Variants in P4HA3 observed in about 807,000 individuals in gnomAD.
P4HA3 encodes the protein prolyl 4-hydroxylase subunit alpha-3.
Under a neutral mutation model 66.7 loss-of-function variants are expected in P4HA3, and 60 were observed. The ratio of observed to expected loss-of-function variants is 0.90; its 90% confidence interval spans 0.73 to 1.12. The LOEUF is 1.12. P4HA3 is among the 50% of genes most tolerant of loss of function. The probability of loss-of-function intolerance (pLI) is 0.00; values close to 1 mark genes in which losing one functional copy is unlikely to be tolerated. For synonymous variants in P4HA3, 263 were observed against 274.6 expected, an observed-to-expected ratio of 0.96 and a Z score of 0.42; for missense variants, 683 against 685.8, an observed-to-expected ratio of 1.00 and a Z score of 0.05.
chr11:74,295,807 T>C (rs561566231), intron 4 of P4HA3, among the ~76,000 whole-genome samples: 9 of 152,326 alleles, frequency 5.9e-5, no homozygotes, highest in African/African-American at 2.2e-4. Flanking sequence ...TTTGATATCA[T>C]GAATTACTCT....
At chr11:74,285,661 C>T (rs941657903) in intron 7 of P4HA3, 148 bp downstream of exon 7, 3 of 797,596 alleles carry the variant, frequency 3.8e-6, no homozygotes, top group Non-Finnish European at 5.9e-6. Context: ...TTTTTTCCAC[C>T]ATGGACTAGT....
In P4HA3 at chr11:74,289,133, G is replaced by C. The variant is rs761158455; in HGVS notation, c.718-3C>G. ...AGGGCACACGAAACATTTCCTGCCT[G>C]TTAAAAAAAAAAAAAAGAAAAGAAA... On this transcript the variant is annotated splice_region_variant and splice_polypyrimidine_tract_variant and intron_variant, in intron 4 of 12. Coordinates refer to ENST00000331597, the MANE Select transcript of P4HA3 (RefSeq NM_182904.5). 3 of 1,481,454 alleles carry C rather than the reference G, an allele frequency of 2.0e-6. No homozygotes were observed. Among genetic ancestry groups the C allele is most frequent in the Non-Finnish European group, 2.7e-6 (3 of 1,106,474 alleles). The allele number at this position is 1,481,454 out of a possible 1,614,324, so 91.8% of individuals were successfully genotyped here. A position where few individuals can be genotyped will look rare whatever the true frequency, so the allele number is the denominator to read the frequency against.
chr11:74,285,601 G>A (rs992015541), intron 7 of P4HA3: 4 of 532,060 alleles, frequency 7.5e-6, no homozygotes, highest in African/African-American at 3.8e-5. Flanking sequence ...GAATCCTCTT[G>A]TACATCATCC....
chr11:74,251,401 T>C, intron 15 of P4HA3: 2 of 1,372,790 alleles, frequency 1.5e-6, no homozygotes, highest in Non-Finnish European at 9.4e-7. Context: ...TCTGTAACTC[T>C]GAGGGCACAC....
Position 74,298,264 on chromosome 11 carries a change from T to G in P4HA3, c.665A>C (p.Asp222Ala). 1 of 1,614,122 alleles carries G rather than the reference T, an allele frequency of 6.2e-7. No individual in the cohort carries two copies. The highest frequency in any genetic ancestry group is 1.7e-5 in the Admixed American group (1 of 60,010). Residue 222 changes from aspartate to alanine, a missense_variant, in exon 4 of 13, where the codon GAT (aspartate) becomes GCT (alanine). Asp to Ala is a moderately radical substitution (Grantham distance 126). Transcript: ENST00000331597. ...CAAGGCATCTTCTAGACTTGCCTCA[T>G]CCTCTGTCTTCCACTCTCCGTAAGA... Reference protein sequence around the residue: ...RGSYGEWKTEDEASLEDALDH... With the variant: ...RGSYGEWKTEAEASLEDALDH...
intron 15 of P4HA3, chr11:74,252,405 G>A (rs1297843415): frequency 4.4e-6 from 2 of 454,228 alleles, no homozygotes; most frequent in Admixed American, 2.4e-5. Flanking sequence ...CCTAGAGCAG[G>A]GTTTTCTACA....
chr11:74,295,601 C>T (rs1471252909), intron 4 of P4HA3, among the ~76,000 whole-genome samples: 1 of 152,104 alleles, frequency 6.6e-6, no homozygotes, highest in East Asian at 1.9e-4. Flanking sequence ...ATAGTTTTTA[C>T]ATAGTTATAA....
chr11:74,255,539 G>A (rs1859812507), intron 15 of P4HA3, among the ~76,000 whole-genome samples: 1 of 152,196 alleles, frequency 6.6e-6, no homozygotes, highest in African/African-American at 2.4e-5. Flanking sequence ...TCACTCATCT[G>A]AAAAATGGAG....
At position 74,290,130 on chromosome 11, in the gene P4HA3, G is replaced by A. The variant is rs572450644; in HGVS notation, c.718-1000C>T. ...GTTGTTTCCTGACTTTTTAATGATCGCCATTCTAACTGGTGTGAGATGGTA... is the reference window on the plus strand; with the variant it reads ...GTTGTTTCCTGACTTTTTAATGATCACCATTCTAACTGGTGTGAGATGGTA... On this transcript the variant is annotated intron_variant, in intron 4 of 12. Transcript: ENST00000331597. Among the ~76,000 whole-genome samples the A allele has an allele frequency of 2.4e-4, 37 of 151,754 alleles. 1 individual carries two copies. The highest frequency in any genetic ancestry group is 7.7e-4 in the African/African-American group (32 of 41,396).
chr11:74,286,091 T>C (rs1860789416), intron 6 of P4HA3, 106 bp from the exon 7 acceptor site: 1 of 1,486,490 alleles, frequency 6.7e-7, no homozygotes, highest in African/African-American at 1.4e-5. Context: ...AGATACAGAA[T>C]GTGGTCACTC....
chr11:74,260,571 G>T (rs75922059), intron 14 of P4HA3, among the ~76,000 whole-genome samples: 4,154 of 152,254 alleles, frequency 0.027, 187 homozygotes, highest in African/African-American at 0.095. Flanking sequence ...CCAAAAAACA[G>T]ATTACAGATC....
At chr11:74,263,534 A>G (rs1859942862), downstream of P4HA3, among the ~76,000 whole-genome samples, 1 of 152,208 alleles carries the variant, frequency 6.6e-6, no homozygotes, top group African/African-American at 2.4e-5. Context: ...TGCCTCTGCT[A>G]TTTTATACTT....
intron 4 of P4HA3, 120 bp downstream of exon 4, chr11:74,298,092 G>A (rs1490292069): frequency 1.6e-6 from 2 of 1,253,332 alleles, no homozygotes; most frequent in Admixed American, 2.6e-5. Flanking sequence ...GCTTGGCTCA[G>A]TTTGGTCCTA....
At position 74,308,004 on chromosome 11, in the gene P4HA3, CTAG is replaced by C. The variant is rs1393592569; in HGVS notation, c.200+3405_200+3407del. 2.0e-5 allele frequency among the ~76,000 whole-genome samples: 3 copies of C among 152,006 alleles called. No individual in the cohort carries two copies. The East Asian group carries it at 5.8e-4, about 29-fold the overall frequency. On this transcript the variant is annotated intron_variant, in intron 1 of 12. Transcript: ENST00000331597. The stretch of plus-strand genomic sequence containing the variant: ...GGATAAACTCTTTTTATATATATAA[CTAG>C]TATATGTACCATACTGGCATATAAC...
Position 74,285,917 on chromosome 11 carries a change from G to C in P4HA3, c.1002C>G (p.Leu334=). The part of the protein sequence containing the change: ...YETNSNAYLL[L]QPIRKEVIHL... Reference sequence around the variant, plus strand: ...GGATGACCTCCTTCCGGATGGGCTGGAGCAGCAGGTAGGCGTTGGAATTGG... The same window carrying C: ...GGATGACCTCCTTCCGGATGGGCTGCAGCAGCAGGTAGGCGTTGGAATTGG... Residue 334 remains leucine, a synonymous_variant, in exon 7 of 13, where the codon CTC becomes CTG. Transcript: ENST00000331597. 6.2e-7 allele frequency: 1 copy of C among 1,612,412 alleles called. No individual in the cohort carries two copies. The highest frequency in any genetic ancestry group is 8.5e-7 in the Non-Finnish European group (1 of 1,178,452).
chr11:74,303,057 G>C (rs987243410), intron 2 of P4HA3, among the ~76,000 whole-genome samples: 1 of 151,974 alleles, frequency 6.6e-6, no homozygotes, highest in Admixed American at 6.6e-5. Flanking sequence ...GCTCAAGTGA[G>C]CCTCTCACCT....
chr11:74,256,573 C>T (rs147284204), intron 15 of P4HA3, among the ~76,000 whole-genome samples: 21 of 152,252 alleles, frequency 1.4e-4, no homozygotes, highest in African/African-American at 3.6e-4. Flanking sequence ...ATGGCTTTAA[C>T]GAGCACCTAC....
chr11:74,268,070 G>T, intron 12 of P4HA3, 75 bp downstream of exon 12: 1 of 1,260,666 alleles, frequency 7.9e-7, no homozygotes, highest in Non-Finnish European at 1.1e-6. Flanking sequence ...GGCTGTGGTA[G>T]GTCCCACCCA....
chr11:74,306,667 C>A (rs1861589918), intron 1 of P4HA3, among the ~76,000 whole-genome samples: 1 of 152,178 alleles, frequency 6.6e-6, no homozygotes, highest in South Asian at 2.1e-4. Context: ...AGGATTTCAA[C>A]CCCTTGGAGC....
Sources: allele counts gnomAD v4.1 joint callset (sites outside exome capture counted in the v4.1 genomes callset), GRCh38; gene constraint gnomAD v4.1.1; transcripts MANE v1.5; gene names NCBI Gene and HGNC (gene_info 2026-07-23, HGNC 2026-07-21).